Variants in PCM1 observed in about 807,000 individuals in gnomAD.
PCM1 encodes the protein pericentriolar material 1 protein.
In PCM1, 157 loss-of-function variants were observed where a neutral mutation model predicts 241.9. The observed-to-expected ratio is 0.65, with a 90% CI of 0.57 to 0.74. The LOEUF is 0.74. PCM1 is among the 30% of genes least tolerant of loss of function. PCM1 has a pLI of 0.00. For synonymous variants in PCM1, 1,085 were observed against 784.9 expected, an observed-to-expected ratio of 1.38 and a Z score of -6.39; for missense variants, 3,478 against 2,360.1, an observed-to-expected ratio of 1.47 and a Z score of -9.81.
At chr8:17,959,631 T>C (rs35844046) in intron 13 of PCM1, among the ~76,000 whole-genome samples, 29,834 of 152,072 alleles carry the variant, frequency 0.2, 3,284 homozygotes, top group East Asian at 0.38. Context: ...TCTATATGTA[T>C]AGAATTTTTG....
At chr8:18,001,586 C>G (rs920558504) in intron 29 of PCM1, among the ~76,000 whole-genome samples, 1 of 152,174 alleles carries the variant, frequency 6.6e-6, no homozygotes, top group African/African-American at 2.4e-5. Flanking sequence ...TCATTACATT[C>G]TAATTTAAAA....
At chr8:18,019,899 C>A (rs576624447) in intron 36 of PCM1, among the ~76,000 whole-genome samples, 34 of 152,272 alleles carry the variant, frequency 2.2e-4, no homozygotes, top group Non-Finnish European at 3.7e-4. Flanking sequence ...TTCCTCTTAA[C>A]TGAAATAATA....
rs1039795613 is a variant in PCM1 at position 18,012,218 on chromosome 8, C to T, written c.5511+391C>T. 2.2e-4 allele frequency among the ~76,000 whole-genome samples: 34 copies of T among 152,190 alleles called. No homozygotes were observed. The South Asian group carries it at 2.5e-3, about 11-fold the overall frequency. On this transcript the variant is annotated intron_variant, in intron 34 of 38. Coordinates refer to ENST00000325083, the MANE Select transcript of PCM1 (RefSeq NM_006197.4). ...TTAGTGGTGTGATTAAATTTCACAC[C>T]GGCCCTCTCCTTCCTATTTGGGTTG... is the stretch of plus-strand genomic sequence containing the variant.
At chr8:17,930,663 G>T (rs2058714271) in intron 2 of PCM1, among the ~76,000 whole-genome samples, 2 of 151,968 alleles carry the variant, frequency 1.3e-5, no homozygotes, top group African/African-American at 4.8e-5. Flanking sequence ...CGGATCACGA[G>T]GTCAGGAGAT....
intron 36 of PCM1, among the ~76,000 whole-genome samples, chr8:18,015,397 T>TGAAACTTCAC (rs2093038246): frequency 6.6e-6 from 1 of 152,146 alleles, no homozygotes; most frequent in African/African-American, 2.4e-5. Flanking sequence ...CAAACATAAA[T>TGAAACTTCAC]GAAACTTCAC....
rs1564224605 is a variant in PCM1 at position 17,991,695 on chromosome 8, T to A, written c.4685T>A (p.Leu1562Ter). The change falls in exon 28 of 39, where the codon TTA becomes TAA. Residue 1562 changes from leucine (L) to a stop codon, truncating the protein, a stop_gained. Transcript: ENST00000325083. LOFTEE classifies it high-confidence loss of function. Reference protein sequence around the residue: ...GAGAGTTVNNLEETPVIENRS... With the variant: ...GAGAGTTVNN The stretch of plus-strand genomic sequence containing the variant: ...GGTGCAGGTACTACAGTTAATAATT[T>A]AGAAGGTATATATTTTTGTTTTCGG... 1.3e-6 allele frequency: 2 copies of A among 1,548,272 alleles called. No individual in the cohort carries two copies. The highest frequency in any genetic ancestry group is 1.7e-6 in the Non-Finnish European group (2 of 1,145,696).
At chr8:18,010,703 C>T (rs1192362265) in intron 32 of PCM1, 35 bp downstream of exon 32, 21 of 1,492,720 alleles carry the variant, frequency 1.4e-5, no homozygotes, top group Non-Finnish European at 1.7e-5. Flanking sequence ...AAAAATATGG[C>T]TGGGCGCGGT....
Position 17,972,585 on chromosome 8 carries a change from A to C in PCM1, c.3841A>C (p.Lys1281Gln), listed in dbSNP as rs770740007. ...AGTGACTAAAACATTCAAGACAAGA[A>C]AAGCGTCTGCACAGGCCAGCCTGGC... ...TTVTKTFKTR[K>Q]ASAQASLASK... The change falls in exon 23 of 39, where the codon AAA (lysine) becomes CAA (glutamine). Residue 1281 changes from lysine (K) to glutamine (Q), a missense_variant. Coordinates refer to ENST00000325083, the MANE Select transcript of PCM1 (RefSeq NM_006197.4). The C allele has an allele frequency of 5.6e-6, 9 of 1,613,582 alleles. No homozygotes were observed. Among genetic ancestry groups the C allele is most frequent in the Non-Finnish European group, 7.6e-6 (9 of 1,179,740 alleles).
chr8:17,994,949 G>A lies in PCM1; in HGVS notation c.4827+1330G>A, dbSNP rs1055826430. Among the ~76,000 whole-genome samples, 7 of 151,364 alleles carry A rather than the reference G, an allele frequency of 4.6e-5. 1 individual carries two copies. Among genetic ancestry groups the A allele is most frequent in the African/African-American group, 1.7e-4 (7 of 40,712 alleles). On this transcript the variant is annotated intron_variant, in intron 29 of 38. Transcript: ENST00000325083. The stretch of plus-strand genomic sequence containing the variant: ...TTATTAATCCCTTGTCGGATGGTTT[G>A]CACATATTTTCTCTCATTCTGTGGG...
intron 22 of PCM1, among the ~76,000 whole-genome samples, chr8:17,971,644 A>G (rs979135934): frequency 1.3e-5 from 2 of 152,250 alleles, no homozygotes; most frequent in Non-Finnish European, 2.9e-5. Flanking sequence ...TTAGGTGAAC[A>G]CAAATCCATG....
intron 29 of PCM1, among the ~76,000 whole-genome samples, chr8:17,999,707 A>G (rs2088525748): frequency 6.6e-6 from 1 of 152,176 alleles, no homozygotes; most frequent in Non-Finnish European, 1.5e-5. Flanking sequence ...AAAAGCAGGT[A>G]CCATGATTGC....
intron 36 of PCM1, among the ~76,000 whole-genome samples, chr8:18,020,533 CTG>C (rs561997912): frequency 5.6e-4 from 85 of 152,228 alleles, no homozygotes; most frequent in African/African-American, 1.7e-3. Flanking sequence ...AAGACCAAAA[CTG>C]TGTGTGTGGT....
chr8:18,010,700 T>C (rs748265118), intron 32 of PCM1, 32 bp downstream of exon 32: 10 of 1,516,050 alleles, frequency 6.6e-6, no homozygotes, highest in Admixed American at 1.9e-5. Context: ...CCTAAAAATA[T>C]GGCTGGGCGC....
chr8:18,014,808 G>A lies in PCM1; in HGVS notation c.5809G>A (p.Asp1937Asn). ...TPESSLAGSP[D>N]TESPVLVNDY... ...TGAAAGCTCTCTGGCTGGAAGTCCT[G>A]ATACTGAATCTCCAGTGTTAGTGAA... Residue 1937 changes from aspartate (D) to asparagine (N), a missense_variant, in exon 36 of 39, where the codon GAT becomes AAT. By Grantham distance (23) the Asp-to-Asn change is conservative. Coordinates refer to ENST00000325083, the MANE Select transcript of PCM1 (RefSeq NM_006197.4). The A allele has an allele frequency of 6.2e-7, 1 of 1,603,664 alleles. No individual in the cohort carries two copies. The highest frequency in any genetic ancestry group is 8.5e-7 in the Non-Finnish European group (1 of 1,177,948).
intron 34 of PCM1, chr8:18,013,747 A>AGTTGTATTATT: frequency 4.2e-6 from 2 of 477,294 alleles, no homozygotes; most frequent in Non-Finnish European, 3.7e-6. Context: ...GTTGTATTAT[A>AGTTGTATTATT]CTGTGTGTGT....
intron 6 of PCM1, chr8:17,940,201 T>A: frequency 9.9e-7 from 1 of 1,013,696 alleles, no homozygotes; most frequent in Non-Finnish European, 1.5e-6. Context: ...AATGAAGGTT[T>A]AAATTTTTCT....
Position 17,966,040 on chromosome 8 carries a change from G to A in PCM1, c.2897G>A (p.Arg966His), listed in dbSNP as rs775719386. ...NCPFSADENY[R>H]PLAKTRQQNI... Reference sequence around the variant, plus strand: ...CCTTTTTCGGCAGATGAAAATTATCGTCCTTTAGCCAAGACAAGGCAACAG... The same window carrying A: ...CCTTTTTCGGCAGATGAAAATTATCATCCTTTAGCCAAGACAAGGCAACAG... The change falls in exon 19 of 39, where the codon CGT (arginine) becomes CAT (histidine). Residue 966 changes from arginine to histidine, a missense_variant. Coordinates refer to ENST00000325083, the MANE Select transcript of PCM1 (RefSeq NM_006197.4). The A allele has an allele frequency of 6.2e-5, 100 of 1,612,062 alleles. No homozygotes were observed. The highest frequency in any genetic ancestry group is 1.6e-4 in the Middle Eastern group (1 of 6,080).
chr8:17,930,892 A>AG (rs2058805378), intron 2 of PCM1, among the ~76,000 whole-genome samples: 1 of 151,728 alleles, frequency 6.6e-6, no homozygotes, highest in South Asian at 2.1e-4. Flanking sequence ...AAAAAAAAAA[A>AG]GAATTCATCC....
intron 4 of PCM1, among the ~76,000 whole-genome samples, chr8:17,938,312 A>C (rs181045609): frequency 2.0e-5 from 3 of 152,316 alleles, no homozygotes; most frequent in Admixed American, 6.5e-5. Flanking sequence ...GATTACCTTC[A>C]GATTATGTGT....
Sources: allele counts gnomAD v4.1 joint callset (sites outside exome capture counted in the v4.1 genomes callset), GRCh38; gene constraint gnomAD v4.1.1; transcripts MANE v1.5; gene names NCBI Gene and HGNC (gene_info 2026-07-23, HGNC 2026-07-21).